Variants in SKOR2 observed in about 807,000 individuals in gnomAD.
SKOR2 encodes the protein SKI family transcriptional corepressor 2.
SKOR2 carries 47 observed loss-of-function variants against 69.1 expected under a neutral mutation model. The ratio of observed to expected loss-of-function variants is 0.68; its 90% CI spans 0.54 to 0.87. The LOEUF (loss-of-function observed/expected upper bound fraction) is 0.87. Ranked by LOEUF, SKOR2 falls within the 40% of genes least tolerant of loss-of-function variation. The pLI is 0.00. For missense variants in SKOR2, 1,404 were observed against 1,472.2 expected, an observed-to-expected ratio of 0.95 and a Z score of 0.76; for synonymous variants, 717 against 672.6, an observed-to-expected ratio of 1.07 and a Z score of -1.02.
chr18:47,225,932 G>A (rs1478805112), intron 6 of SKOR2, among the ~76,000 whole-genome samples: 1 of 152,202 alleles, frequency 6.6e-6, no homozygotes, highest in Non-Finnish European at 1.5e-5. Flanking sequence ...ATGATACACA[G>A]TGCAAATCGT....
At chr18:47,232,292 AG>A (rs1235309725) in intron 4 of SKOR2, among the ~76,000 whole-genome samples, 1 of 152,176 alleles carries the variant, frequency 6.6e-6, no homozygotes, top group Non-Finnish European at 1.5e-5. Context: ...TTGCGCATAA[AG>A]GTTAGATCGT....
chr18:47,225,576 G>A (rs2064175786), intron 6 of SKOR2, among the ~76,000 whole-genome samples: 1 of 152,218 alleles, frequency 6.6e-6, no homozygotes, highest in Admixed American at 6.5e-5. Flanking sequence ...GGTTGGGGGA[G>A]TGGAGAGTAA....
intron 4 of SKOR2, among the ~76,000 whole-genome samples, chr18:47,235,261 G>A (rs998833496): frequency 6.6e-6 from 1 of 152,104 alleles, no homozygotes. Context: ...ATCTGAGTGG[G>A]AAGATCACTT....
intron 4 of SKOR2, among the ~76,000 whole-genome samples, chr18:47,238,313 TTCTTTTC>T (rs1166939683): frequency 1.6e-4 from 23 of 145,990 alleles, no homozygotes; most frequent in African/African-American, 5.8e-4. Flanking sequence ...TTTTTTTCTT[TTCTTTTC>T]TTTTTTTTTT....
chr18:47,230,802 C>T, intron 5 of SKOR2, 133 bp downstream of exon 5: 1 of 847,868 alleles, frequency 1.2e-6, no homozygotes, highest in Non-Finnish European at 1.8e-6. Context: ...ATTATATCCA[C>T]CCAATGGTCC....
intron 4 of SKOR2, among the ~76,000 whole-genome samples, chr18:47,235,780 C>CAAAAAAAAAAAAA (rs11433396): frequency 5.1e-4 from 30 of 59,252 alleles, no homozygotes; most frequent in Non-Finnish European, 7.3e-4. Context: ...CACAAACAAG[C>CAAAAAAAAAAAAA]AAAAAAAAAA....
At chr18:47,230,650 T>C in intron 5 of SKOR2, 93 bp from the exon 6 acceptor site, 1 of 856,370 alleles carries the variant, frequency 1.2e-6, no homozygotes, top group Non-Finnish European at 1.6e-6. Flanking sequence ...TAAGACAAAA[T>C]ATTTTACCAG....
Position 47,251,638 on chromosome 18 carries a change from G to T in SKOR2, c.-312C>A, listed in dbSNP as rs2064313421. 6.6e-6 allele frequency: 1 copy of T among 152,180 alleles called. No homozygotes were observed. Among genetic ancestry groups the T allele is most frequent in the African/African-American group, 2.4e-5 (1 of 41,442 alleles). 9.4% of individuals were successfully genotyped at this position (152,180 alleles called of 1,614,324 possible). A position where few individuals can be genotyped will look rare whatever the true frequency, so the allele number is the denominator to read the frequency against. ...GCGGCAGGAGAGCCCCAAGTGGAGC[G>T]CAGTCTGACAGCGTCTGTCTCTGAA... On this transcript the variant is annotated 5_prime_UTR_variant, in exon 1 of 9. Transcript: ENST00000425639.
At chr18:47,226,139 C>T (rs76296200) in intron 6 of SKOR2, among the ~76,000 whole-genome samples, 1 of 151,822 alleles carries the variant, frequency 6.6e-6, no homozygotes, top group Non-Finnish European at 1.5e-5. Context: ...TTTAAGATGG[C>T]TAATGGGAAG....
intron 4 of SKOR2, among the ~76,000 whole-genome samples, chr18:47,238,183 ATGTTT>A (rs1285089600): frequency 6.6e-6 from 1 of 152,118 alleles, no homozygotes; most frequent in Non-Finnish European, 1.5e-5. Flanking sequence ...TTTGGAGAAA[ATGTTT>A]TGTTTTGATT....
At chr18:47,237,838 A>G (rs1338807913) in intron 4 of SKOR2, among the ~76,000 whole-genome samples, 1 of 151,810 alleles carries the variant, frequency 6.6e-6, no homozygotes, top group African/African-American at 2.4e-5. Flanking sequence ...CTGTGCCACT[A>G]TGCCAGGCTA....
At chr18:47,216,271 G>A (rs1333753229) in intron 7 of SKOR2, among the ~76,000 whole-genome samples, 1 of 152,102 alleles carries the variant, frequency 6.6e-6, no homozygotes, top group Non-Finnish European at 1.5e-5. Flanking sequence ...ATATTTCTTT[G>A]TTTTGCATAA....
At chr18:47,226,708 C>G (rs984745569) in intron 6 of SKOR2, among the ~76,000 whole-genome samples, 30 of 152,184 alleles carry the variant, frequency 2.0e-4, no homozygotes, top group Admixed American at 9.2e-4. Flanking sequence ...ATGTCAGCAT[C>G]AAACTTTAAA....
chr18:47,236,105 C>A (rs138194760), intron 4 of SKOR2, among the ~76,000 whole-genome samples: 8 of 152,334 alleles, frequency 5.3e-5, no homozygotes, highest in African/African-American at 1.9e-4. Flanking sequence ...TCACCTCAGC[C>A]TCCCAGGTAG....
chr18:47,243,811 G>C (rs1478556786), intron 4 of SKOR2, among the ~76,000 whole-genome samples: 1 of 152,152 alleles, frequency 6.6e-6, no homozygotes, highest in Non-Finnish European at 1.5e-5. Context: ...AACAGGTAAT[G>C]CCATAATGCA....
Position 47,247,813 on chromosome 18 carries a change from C to T in SKOR2, c.1371G>A (p.Ala457=), listed in dbSNP as rs2144517649. The T allele has an allele frequency of 7.2e-7, 1 of 1,398,438 alleles. No homozygotes were observed. Among genetic ancestry groups the T allele is most frequent in the Non-Finnish European group, 9.2e-7 (1 of 1,083,860 alleles). 86.6% of individuals were successfully genotyped at this position (1,398,438 alleles called of 1,614,324 possible). A position where few individuals can be genotyped will look rare whatever the true frequency, so the allele number is the denominator to read the frequency against. Residue 457 remains alanine, a synonymous_variant, in exon 2 of 9, where the codon GCG becomes GCA. Coordinates refer to ENST00000425639, the MANE Select transcript of SKOR2 (RefSeq NM_001278063.4). The surrounding 1 kb of genome is among the most constrained non-coding windows in gnomAD (Gnocchi z 6.6). The part of the protein sequence containing the change: ...KAGLSGLFWP[A]GRKDAFYPPF... ...GCGGATAGAAGGCGTCCTTGCGGCC[C>T]GCGGGCCAGAAGAGGCCGGACAAGC...
At chr18:47,209,151 C>CAAA (rs112177949) in intron 8 of SKOR2, among the ~76,000 whole-genome samples, 10 of 146,470 alleles carry the variant, frequency 6.8e-5, no homozygotes, top group East Asian at 2.0e-4. Context: ...TAATGTAGGA[C>CAAA]AAAAAAAAAA....
In SKOR2 at chr18:47,241,671, G is replaced by C. The variant is rs190729632; in HGVS notation, c.2752+3237C>G. 3.0e-4 allele frequency among the ~76,000 whole-genome samples: 46 copies of C among 151,856 alleles called. No homozygotes were observed. In the East Asian group the frequency reaches 8.5e-3, roughly 28 times the overall value. On this transcript the variant is annotated intron_variant, in intron 4 of 8. Transcript: ENST00000425639. ...AAACCCATAACGATGAAGTTCTTGTGACCCAAGATTCCAAGATAAAGTTAA... is the reference window on the plus strand; with the variant it reads ...AAACCCATAACGATGAAGTTCTTGTCACCCAAGATTCCAAGATAAAGTTAA...
chr18:47,218,848 A>G (rs2144484356), intron 7 of SKOR2, among the ~76,000 whole-genome samples: 1 of 152,302 alleles, frequency 6.6e-6, no homozygotes, highest in Admixed American at 6.5e-5. Flanking sequence ...CCAACATGAG[A>G]AGAAAATCTT....
Sources: allele counts gnomAD v4.1 joint callset (sites outside exome capture counted in the v4.1 genomes callset), GRCh38; gene constraint gnomAD v4.1.1; non-coding constraint Gnocchi (gnomAD v3.1); transcripts MANE v1.5; gene names NCBI Gene and HGNC (gene_info 2026-07-23, HGNC 2026-07-21).